Variants in PTCHD4 observed in about 807,000 individuals in gnomAD.
The protein encoded by PTCHD4 is patched domain-containing protein 4.
In PTCHD4, 33 loss-of-function variants were observed where a neutral mutation model predicts 58.1. The ratio of observed to expected loss-of-function variants is 0.57; its 90% CI spans 0.43 to 0.76. The LOEUF is 0.76. PTCHD4 is among the 30% of genes least tolerant of loss of function. The pLI is 0.00. For missense variants in PTCHD4, 1,058 were observed against 1,027.1 expected (o/e 1.03, Z -0.41); for synonymous variants, 478 against 409.6 (o/e 1.17, Z -2.02).
At chr6:48,074,924 A>G (rs80331728) in intron 1 of PTCHD4, among the ~76,000 whole-genome samples, 2,250 of 152,260 alleles carry the variant, frequency 0.015, 28 homozygotes, top group Non-Finnish European at 0.023. Flanking sequence ...GCCCAATAAT[A>G]TCTGATATTT....
rs780644860 is a variant in PTCHD4 at position 47,879,127 on chromosome 6, T to C, written c.1708A>G (p.Ser570Gly). The C allele has an allele frequency of 7.4e-6, 12 of 1,612,266 alleles. No homozygotes were observed. In the African/African-American group the frequency reaches 1.5e-4, roughly 20 times the overall value. ...TTTAAAAATGAGCTTTGCAGGACAC[T>C]GATGAAGTCACTTTTGTTATTGGCA... ...VSANNKSDFI[S>G]VLQSSFLKKP... The change falls in exon 5 of 5, where the codon AGT (serine) becomes GGT (glycine). Residue 570 changes from serine to glycine, a missense_variant. Ser to Gly is a moderately conservative substitution (Grantham distance 56). Coordinates refer to ENST00000339488, the MANE Select transcript of PTCHD4 (RefSeq NM_001384253.1).
Position 47,859,646 on chromosome 6 carries a change from T to C in PTCHD4, c.*18657A>G, listed in dbSNP as rs1763374991. Among the ~76,000 whole-genome samples, 1 of 131,812 alleles carries C rather than the reference T, an allele frequency of 7.6e-6. No homozygotes were observed. The highest frequency in any genetic ancestry group is 1.7e-5 in the Non-Finnish European group (1 of 59,760). The allele number at this position is 131,812 out of a possible 152,430, so 86.5% of individuals were successfully genotyped here. The stretch of plus-strand genomic sequence containing the variant: ...TAGCAGTTTACAGAGCAGAAAAATA[T>C]CTCTGCCCCCTTAGAGCTTTCAATT... On this transcript the variant is annotated 3_prime_UTR_variant, in exon 5 of 5. Coordinates refer to ENST00000339488, the MANE Select transcript of PTCHD4 (RefSeq NM_001384253.1).
chr6:48,045,751 T>C (rs1374227260), intron 3 of PTCHD4, among the ~76,000 whole-genome samples: 1 of 151,620 alleles, frequency 6.6e-6, no homozygotes, highest in Non-Finnish European at 1.5e-5. Context: ...AATTCCAAGT[T>C]GGTCTGATTC....
At chr6:47,894,792 A>C (rs1407736623) in intron 4 of PTCHD4, among the ~76,000 whole-genome samples, 1 of 152,234 alleles carries the variant, frequency 6.6e-6, no homozygotes, top group Non-Finnish European at 1.5e-5. Context: ...GATAATGTCC[A>C]TGGACTTCGT....
At chr6:48,107,134 C>A (rs1765747969) in intron 1 of PTCHD4, among the ~76,000 whole-genome samples, 1 of 152,136 alleles carries the variant, frequency 6.6e-6, no homozygotes, top group Non-Finnish European at 1.5e-5. Context: ...AAAGAGCCCA[C>A]ATCACCAAGT....
intron 3 of PTCHD4, among the ~76,000 whole-genome samples, chr6:48,028,017 C>T (rs780840734): frequency 6.6e-6 from 1 of 152,108 alleles, no homozygotes; most frequent in Non-Finnish European, 1.5e-5. Context: ...TCTCTGCTCA[C>T]TATAACCCCG....
At chr6:47,948,129 G>A (rs987361173) in intron 4 of PTCHD4, among the ~76,000 whole-genome samples, 3 of 152,178 alleles carry the variant, frequency 2.0e-5, no homozygotes. Context: ...CTAGGGAAGG[G>A]TCCATTTCCA....
rs75201638 is a variant in PTCHD4 at position 48,053,644 on chromosome 6, C to T, written c.417+14586G>A. Among the ~76,000 whole-genome samples, 1,278 of 152,148 alleles carry T rather than the reference C, an allele frequency of 8.4e-3. 24 individuals carry two copies. Among genetic ancestry groups the T allele is most frequent in the African/African-American group, 0.028 (1,174 of 41,502 alleles). ...ATATTTCCTTTTTAAAATGAATGCC[C>T]TTGCATTAATGTGTTAAACTAGTGT... On this transcript the variant is annotated intron_variant, in intron 3 of 4. Transcript: ENST00000339488.
intron 3 of PTCHD4, among the ~76,000 whole-genome samples, chr6:48,044,510 G>GA (rs1281060513): frequency 2.0e-5 from 3 of 151,706 alleles, no homozygotes; most frequent in Admixed American, 6.6e-5. Context: ...TTATCATTTT[G>GA]AAAAAAATAA....
chr6:47,922,266 C>T (rs1765457151), intron 4 of PTCHD4, among the ~76,000 whole-genome samples: 1 of 152,130 alleles, frequency 6.6e-6, no homozygotes, highest in South Asian at 2.1e-4. Flanking sequence ...TCCTTGAATA[C>T]AAGGTAGTTC....
intron 4 of PTCHD4, among the ~76,000 whole-genome samples, chr6:47,914,765 T>TATC (rs1765189821): frequency 6.7e-6 from 1 of 148,642 alleles, no homozygotes; most frequent in Non-Finnish European, 1.5e-5. Flanking sequence ...TCTATCTATC[T>TATC]ATCTATCTAT....
chr6:48,060,304 G>A (rs1038358667), intron 3 of PTCHD4, among the ~76,000 whole-genome samples: 2 of 152,148 alleles, frequency 1.3e-5, no homozygotes, highest in East Asian at 1.9e-4. Context: ...GTAAGAGAAC[G>A]GAGCTCAAAT....
chr6:48,081,668 C>T (rs962386547), intron 1 of PTCHD4, among the ~76,000 whole-genome samples: 13 of 152,038 alleles, frequency 8.6e-5, no homozygotes, highest in Admixed American at 3.3e-4. Context: ...TACATAATTG[C>T]TTGAGAGTGA....
intron 4 of PTCHD4, among the ~76,000 whole-genome samples, chr6:47,961,361 G>A (rs373044582): frequency 2.0e-5 from 3 of 151,112 alleles, no homozygotes; most frequent in East Asian, 3.9e-4. Flanking sequence ...GCGTGATCTC[G>A]GCTTACTGCA....
In PTCHD4 at chr6:47,860,660, C is replaced by T. The variant is rs559410649; in HGVS notation, c.*17643G>A. Reference sequence around the variant, plus strand: ...TTCTCTGAACTCATATCTTCAATTTCCTAGAGTATTGTTACCTAGCAGGGT... The same window carrying T: ...TTCTCTGAACTCATATCTTCAATTTTCTAGAGTATTGTTACCTAGCAGGGT... On this transcript the variant is annotated 3_prime_UTR_variant, in exon 5 of 5. Transcript: ENST00000339488. 5.5e-4 allele frequency among the ~76,000 whole-genome samples: 84 copies of T among 151,878 alleles called. 2 individuals carry two copies. In the South Asian group the frequency reaches 0.017, roughly 30 times the overall value.
chr6:47,929,159 TAGAAAC>T (rs1561962525), intron 4 of PTCHD4, among the ~76,000 whole-genome samples: 2 of 152,108 alleles, frequency 1.3e-5, no homozygotes, highest in African/African-American at 2.4e-5. Flanking sequence ...AAATCTGTCT[TAGAAAC>T]AGTATAAAAT....
chr6:48,090,601 G>T (rs963730432), intron 1 of PTCHD4, among the ~76,000 whole-genome samples: 1 of 152,066 alleles, frequency 6.6e-6, no homozygotes, highest in African/African-American at 2.4e-5. Context: ...ATCTCAGAAG[G>T]GGTAAAATAA....
chr6:47,915,411 G>A (rs1250147151), intron 4 of PTCHD4, among the ~76,000 whole-genome samples: 1 of 152,098 alleles, frequency 6.6e-6, no homozygotes, highest in Non-Finnish European at 1.5e-5. Context: ...GCTTCAAGAT[G>A]CTGACAATTC....
rs566822139 is a variant in PTCHD4 at position 47,932,944 on chromosome 6, G to GT, written c.899-53009dup. On this transcript the variant is annotated intron_variant, in intron 4 of 4. Transcript: ENST00000339488. ...ACTTGGAGTAGTGCACTGGTACTAA[G>GT]TTTTTTGTATTATTAATCAAAGGAA... Among the ~76,000 whole-genome samples the GT allele has an allele frequency of 2.2e-3, 339 of 152,306 alleles. 1 individual carries two copies. The highest frequency in any genetic ancestry group is 8.0e-3 in the African/African-American group (333 of 41,568).
Sources: allele counts gnomAD v4.1 joint callset (sites outside exome capture counted in the v4.1 genomes callset), GRCh38; gene constraint gnomAD v4.1.1; transcripts MANE v1.5; gene names NCBI Gene and HGNC (gene_info 2026-07-23, HGNC 2026-07-21).